Variants in GNA13 observed in about 807,000 individuals in gnomAD.
The protein encoded by GNA13 is guanine nucleotide-binding protein subunit alpha-13.
Under a neutral mutation model 33.5 loss-of-function variants are expected in GNA13, and 4 were observed. That is an observed-to-expected ratio of 0.12 (90% CI 0.06 to 0.27). The LOEUF is 0.27. Ranked by LOEUF, GNA13 falls within the 10% of genes least tolerant of loss-of-function variation. The pLI is 1.00. For synonymous variants in GNA13, 176 were observed against 183.8 expected (o/e 0.96, Z 0.34); for missense variants, 319 against 487.2 (o/e 0.65, Z 3.25).
At chr17:65,055,526 G>A (rs1009943717) in intron 1 of GNA13, 4 of 767,414 alleles carry the variant, frequency 5.2e-6, no homozygotes, top group Non-Finnish European at 6.3e-6. Flanking sequence ...CTTCCTGCCA[G>A]CCCCCAGTTA....
intron 2 of GNA13, among the ~76,000 whole-genome samples, chr17:65,041,545 T>C (rs1907453866): frequency 6.6e-6 from 1 of 152,196 alleles, no homozygotes; most frequent in Non-Finnish European, 1.5e-5. Context: ...TGAATTTTTT[T>C]ACCTTGGAAA....
At chr17:65,020,759 T>C (rs1906554033) in intron 2 of GNA13, among the ~76,000 whole-genome samples, 1 of 151,882 alleles carries the variant, frequency 6.6e-6, no homozygotes, top group African/African-American at 2.4e-5. Context: ...CAAGCCATTC[T>C]CCTGCCTCAG....
intron 2 of GNA13, among the ~76,000 whole-genome samples, chr17:65,044,334 T>A (rs1907575934): frequency 2.0e-5 from 3 of 152,210 alleles, no homozygotes; most frequent in Non-Finnish European, 4.4e-5. Flanking sequence ...CTATAACAAG[T>A]TCTTTTGAAT....
chr17:65,036,950 G>C (rs1006677690), intron 2 of GNA13, among the ~76,000 whole-genome samples: 1 of 152,194 alleles, frequency 6.6e-6, no homozygotes, highest in Non-Finnish European at 1.5e-5. Context: ...CATTAAGGCA[G>C]CCAGACAGGC....
chr17:65,021,842 T>C (rs1388205521), intron 2 of GNA13, among the ~76,000 whole-genome samples: 1 of 152,224 alleles, frequency 6.6e-6, no homozygotes, highest in Non-Finnish European at 1.5e-5. Flanking sequence ...GATTTTCTAA[T>C]AAAAAGCAAG....
intron 2 of GNA13, chr17:65,051,969 T>G (rs1439707406): frequency 6.6e-6 from 1 of 152,190 alleles, no homozygotes; most frequent in East Asian, 1.9e-4. Context: ...TCAGATATAG[T>G]CAAAATTAAG....
intron 2 of GNA13, among the ~76,000 whole-genome samples, chr17:65,043,686 C>T (rs1907544733): frequency 1.3e-5 from 2 of 152,082 alleles, no homozygotes; most frequent in East Asian, 3.9e-4. Flanking sequence ...GATTAAAAAA[C>T]AAAAATATCT....
intron 2 of GNA13, among the ~76,000 whole-genome samples, chr17:65,027,378 G>A (rs1254929369): frequency 6.7e-6 from 1 of 149,088 alleles, no homozygotes; most frequent in East Asian, 2.0e-4. Context: ...AAATTCCTAG[G>A]CTCAAGCAGT....
At chr17:65,028,020 C>T (rs987168316) in intron 2 of GNA13, among the ~76,000 whole-genome samples, 3 of 152,084 alleles carry the variant, frequency 2.0e-5, no homozygotes, top group South Asian at 2.1e-4. Flanking sequence ...GGGCGGATCA[C>T]GAGGTCAGGA....
At chr17:65,015,890 A>G (rs1185240785) in intron 3 of GNA13, among the ~76,000 whole-genome samples, 1 of 152,176 alleles carries the variant, frequency 6.6e-6, no homozygotes, top group Non-Finnish European at 1.5e-5. Context: ...TTATTGACCC[A>G]AGAACTCAAA....
intron 2 of GNA13, among the ~76,000 whole-genome samples, chr17:65,043,319 G>A (rs1367393046): frequency 6.6e-6 from 1 of 150,458 alleles, no homozygotes; most frequent in African/African-American, 2.5e-5. Context: ...ACAAGGTCTT[G>A]CTCTGTCTCC....
At chr17:65,025,546 G>A (rs925711565) in intron 2 of GNA13, among the ~76,000 whole-genome samples, 3 of 152,146 alleles carry the variant, frequency 2.0e-5, no homozygotes, top group East Asian at 3.8e-4. Flanking sequence ...AAAAGTTATC[G>A]TTAAGTGCTA....
At chr17:65,043,400 T>C (rs1225656764) in intron 2 of GNA13, among the ~76,000 whole-genome samples, 1 of 151,984 alleles carries the variant, frequency 6.6e-6, no homozygotes, top group Admixed American at 6.6e-5. Context: ...AGTCCTCTTG[T>C]TTCAGACCCC....
chr17:65,055,285 A>G (rs1908004681), intron 1 of GNA13, among the ~76,000 whole-genome samples: 1 of 152,354 alleles, frequency 6.6e-6, no homozygotes, highest in Non-Finnish European at 1.5e-5. Context: ...TTATCTTTCA[A>G]ATGACAAAAT....
At chr17:65,020,733 C>T (rs1273978821) in intron 2 of GNA13, among the ~76,000 whole-genome samples, 1 of 151,904 alleles carries the variant, frequency 6.6e-6, no homozygotes, top group African/African-American at 2.4e-5. Context: ...TCAATACAAC[C>T]TCCACCTCCC....
chr17:65,056,597 G>A lies in GNA13; in HGVS notation c.-4C>T. ...GCGACGGCAGGAAGTCCGCCATCTT[G>A]CCGCCGCCGCCGCCGCCTCGGCGGG... On this transcript the variant is annotated 5_prime_UTR_variant, in exon 1 of 4. Transcript: ENST00000439174. The A allele has an allele frequency of 1.5e-6, 2 of 1,336,512 alleles. No homozygotes were observed. The highest frequency in any genetic ancestry group is 2.1e-4 in the Middle Eastern group (1 of 4,766). The allele number at this position is 1,336,512 out of a possible 1,614,324, so 82.8% of individuals were successfully genotyped here.
intron 2 of GNA13, among the ~76,000 whole-genome samples, chr17:65,045,692 CTT>C (rs1396241870): frequency 2.6e-5 from 4 of 151,996 alleles, no homozygotes; most frequent in Admixed American, 1.3e-4. Flanking sequence ...CTTAAGATCA[CTT>C]ATATCGTTAC....
intron 2 of GNA13, among the ~76,000 whole-genome samples, chr17:65,027,584 T>G (rs945969227): frequency 1.3e-5 from 2 of 152,220 alleles, no homozygotes; most frequent in Non-Finnish European, 2.9e-5. Context: ...TTTTCTACAA[T>G]GTATTGTTCC....
intron 1 of GNA13, among the ~76,000 whole-genome samples, chr17:65,053,942 A>T (rs2143834187): frequency 6.6e-6 from 1 of 152,318 alleles, no homozygotes; most frequent in East Asian, 1.9e-4. Context: ...TGAAAAGCAA[A>T]TACTATTAGC....
Sources: allele counts gnomAD v4.1 joint callset (sites outside exome capture counted in the v4.1 genomes callset), GRCh38; gene constraint gnomAD v4.1.1; transcripts MANE v1.5; gene names NCBI Gene and HGNC (gene_info 2026-07-23, HGNC 2026-07-21).